Variants in CHRNA7 observed in about 807,000 individuals in gnomAD.
The protein encoded by CHRNA7 is neuronal acetylcholine receptor subunit alpha-7.
CHRNA7 carries 17 observed loss-of-function variants against 48.0 expected under a neutral mutation model. That is an observed-to-expected ratio of 0.35 (90% CI 0.24 to 0.53). CHRNA7 has a LOEUF of 0.53. CHRNA7 is among the 20% of genes least tolerant of loss of function. The probability of loss-of-function intolerance (pLI) is 0.92; values close to 1 mark genes in which losing one functional copy is unlikely to be tolerated. For missense variants in CHRNA7, 155 were observed against 577.7 expected (o/e 0.27, Z 7.50); for synonymous variants, 75 against 242.3 (o/e 0.31, Z 6.41).
rs151190804 is a variant in CHRNA7, at chr15:32,134,041, C to T, written c.351-19866C>T. On this transcript the variant is annotated intron_variant, in intron 4 of 9. Coordinates refer to ENST00000306901, the MANE Select transcript of CHRNA7 (RefSeq NM_000746.6). ...TCTGATAAGTGTCCAGGTGTGAGGC[C>T]AGGTGTGCAGGCAATGCTGTGAGAG... 2.8e-3 allele frequency among the ~76,000 whole-genome samples: 426 copies of T among 152,306 alleles called. 1 individual carries two copies. Among genetic ancestry groups the T allele is most frequent in the Non-Finnish European group, 5.0e-3 (338 of 68,028 alleles).
intron 2 of CHRNA7, among the ~76,000 whole-genome samples, chr15:32,095,645 C>G (rs6494216): frequency 0.8 from 121,912 of 152,044 alleles, 48,996 homozygotes; most frequent in East Asian, 0.94. Flanking sequence ...CCTCCGCAAA[C>G]CTCTATGGAA....
intron 4 of CHRNA7, among the ~76,000 whole-genome samples, chr15:32,135,510 G>T (rs553037812): frequency 6.6e-6 from 1 of 152,126 alleles, no homozygotes; most frequent in African/African-American, 2.4e-5. Flanking sequence ...GAGAACTTCC[G>T]CATCTATCAG....
intron 4 of CHRNA7, among the ~76,000 whole-genome samples, chr15:32,150,211 T>C (rs1355244893): frequency 6.6e-6 from 1 of 152,102 alleles, no homozygotes; most frequent in Non-Finnish European, 1.5e-5. Flanking sequence ...GTCACTGCAC[T>C]GATTAATTTT....
At chr15:32,137,636 A>G (rs1265735782) in intron 4 of CHRNA7, among the ~76,000 whole-genome samples, 1 of 152,246 alleles carries the variant, frequency 6.6e-6, no homozygotes, top group African/African-American at 2.4e-5. Flanking sequence ...ATAGATATAG[A>G]TACAGATATA....
At chr15:32,097,065 C>T (rs1006432813) in intron 2 of CHRNA7, among the ~76,000 whole-genome samples, 2 of 152,136 alleles carry the variant, frequency 1.3e-5, no homozygotes, top group African/African-American at 2.4e-5. Flanking sequence ...GCACAGATTG[C>T]AGCATGCTCC....
At chr15:32,079,266 A>G (rs2050180151) in intron 2 of CHRNA7, among the ~76,000 whole-genome samples, 1 of 152,004 alleles carries the variant, frequency 6.6e-6, no homozygotes, top group Non-Finnish European at 1.5e-5. Flanking sequence ...CTCTCCCACC[A>G]CTCCCATTCA....
rs1164044167 is a variant in CHRNA7, at chr15:32,149,879, T to C, written c.351-4028T>C. On this transcript the variant is annotated intron_variant, in intron 4 of 9. Coordinates refer to ENST00000306901, the MANE Select transcript of CHRNA7 (RefSeq NM_000746.6). The surrounding 1 kb of genome is among the most constrained non-coding windows in gnomAD (Gnocchi z 4.6). ...AAAGAAAGGCTTGTAGGAACTTTTT[T>C]TTTTTCAGAGTTGAATCACTGATCT... Among the ~76,000 whole-genome samples the C allele has an allele frequency of 1.3e-5, 2 of 152,038 alleles. No individual in the cohort carries two copies. The highest frequency in any genetic ancestry group is 3.9e-4 in the East Asian group (2 of 5,192).
intron 2 of CHRNA7, among the ~76,000 whole-genome samples, chr15:32,074,791 G>A (rs568522775): frequency 6.6e-6 from 1 of 151,936 alleles, no homozygotes; most frequent in East Asian, 1.9e-4. Flanking sequence ...GGGATTACAG[G>A]CATCCGCCAC....
chr15:32,115,914 C>T (rs763462387), intron 4 of CHRNA7, among the ~76,000 whole-genome samples: 1 of 152,094 alleles, frequency 6.6e-6, no homozygotes, highest in Non-Finnish European at 1.5e-5. Context: ...TGTAGGCAAC[C>T]TAGAAAACAT....
intron 2 of CHRNA7, among the ~76,000 whole-genome samples, chr15:32,098,260 C>A (rs900317746): frequency 6.6e-6 from 1 of 152,034 alleles, no homozygotes; most frequent in Non-Finnish European, 1.5e-5. Flanking sequence ...GCAGCAGGGT[C>A]GGGACGTGCT....
Position 32,067,176 on chromosome 15 carries a change from A to G in CHRNA7, c.196-34127A>G, listed in dbSNP as rs185879476. ...AAAACATTGATGTACACATCCGTAA[A>G]GCTTAACAAACTACAGGAAGGATAA... On this transcript the variant is annotated intron_variant, in intron 2 of 9. Coordinates refer to ENST00000306901, the MANE Select transcript of CHRNA7 (RefSeq NM_000746.6). Among the ~76,000 whole-genome samples the G allele has an allele frequency of 2.0e-5, 3 of 152,364 alleles. No homozygotes were observed. In the East Asian group the frequency reaches 5.8e-4, roughly 29 times the overall value.
At chr15:32,148,869 C>T (rs1474384279) in intron 4 of CHRNA7, among the ~76,000 whole-genome samples, 2 of 152,240 alleles carry the variant, frequency 1.3e-5, no homozygotes, top group Non-Finnish European at 2.9e-5. Flanking sequence ...CGCCAGGGGC[C>T]TGTCCACATC....
chr15:32,147,216 A>C (rs1414923407), intron 4 of CHRNA7, among the ~76,000 whole-genome samples: 1 of 152,238 alleles, frequency 6.6e-6, no homozygotes, highest in Non-Finnish European at 1.5e-5. Context: ...ATGGACATAA[A>C]GATGGCAACA....
intron 3 of CHRNA7, among the ~76,000 whole-genome samples, chr15:32,109,188 G>A (rs2050722470): frequency 6.6e-6 from 1 of 152,206 alleles, no homozygotes; most frequent in African/African-American, 2.4e-5. Flanking sequence ...GGCTGAACAA[G>A]GGGTGGATTA....
intron 2 of CHRNA7, among the ~76,000 whole-genome samples, chr15:32,044,438 T>A (rs1214866995): frequency 6.6e-6 from 1 of 152,042 alleles, no homozygotes; most frequent in Non-Finnish European, 1.5e-5. Context: ...CCACCACGCC[T>A]GGCTAATTTT....
chr15:32,117,709 G>A (rs1039495773), intron 4 of CHRNA7, among the ~76,000 whole-genome samples: 2 of 152,138 alleles, frequency 1.3e-5, no homozygotes, highest in Non-Finnish European at 2.9e-5. Flanking sequence ...GGGCTGCGAT[G>A]TATCTATTAT....
intron 4 of CHRNA7, among the ~76,000 whole-genome samples, chr15:32,129,489 T>C (rs2051121291): frequency 6.6e-6 from 1 of 151,998 alleles, no homozygotes; most frequent in African/African-American, 2.4e-5. Flanking sequence ...TGTGGTAGTT[T>C]GTACTTTTCA....
chr15:32,110,677 A>G (rs939573744), intron 3 of CHRNA7, among the ~76,000 whole-genome samples: 3 of 151,936 alleles, frequency 2.0e-5, no homozygotes, highest in Non-Finnish European at 4.4e-5. Context: ...AGCTCTGAAA[A>G]TTTTTCCCCC....
intron 4 of CHRNA7, among the ~76,000 whole-genome samples, chr15:32,132,826 G>A (rs1010520663): frequency 3.2e-4 from 49 of 152,124 alleles, no homozygotes; most frequent in African/African-American, 1.1e-3. Flanking sequence ...CGTTTTTCTT[G>A]TATTTATGCT....
Sources: gnomAD v4.1 joint callset for allele counts (sites outside exome capture counted in the v4.1 genomes callset) on GRCh38, gnomAD v4.1.1 for gene constraint, Gnocchi (gnomAD v3.1) non-coding constraint, MANE v1.5 for transcripts, NCBI Gene and HGNC (gene_info 2026-07-23, HGNC 2026-07-21) for gene names.